KIAA1217: variants seen among roughly 807,000 people sequenced by gnomAD.
The protein encoded by KIAA1217 is KIAA1217.
A neutral mutation model predicts 163.9 loss-of-function variants in KIAA1217; 88 were observed. The ratio of observed to expected loss-of-function variants is 0.54; its 90% CI spans 0.45 to 0.64. The LOEUF (loss-of-function observed/expected upper bound fraction) is 0.64. KIAA1217 is among the 30% of genes least tolerant of loss of function. The probability of loss-of-function intolerance (pLI) is 0.00; values close to 1 mark genes in which losing one functional copy is unlikely to be tolerated. For synonymous variants in KIAA1217, 903 were observed against 923.1 expected (o/e 0.98, Z 0.39); for missense variants, 2,372 against 2,475.0 (o/e 0.96, Z 0.88).
At chr10:23,923,533 G>A (rs2131296593) in intron 1 of KIAA1217, among the ~76,000 whole-genome samples, 1 of 152,304 alleles carries the variant, frequency 6.6e-6, no homozygotes, top group Admixed American at 6.5e-5. Context: ...ATCTTTGTAA[G>A]AGGTGGCAGA....
At chr10:24,174,917 G>T (rs1413710854) in intron 2 of KIAA1217, among the ~76,000 whole-genome samples, 1 of 152,114 alleles carries the variant, frequency 6.6e-6, no homozygotes, top group Non-Finnish European at 1.5e-5. Context: ...GAGTGCAGTG[G>T]CATGAGCTCA....
At chr10:24,393,989 C>T (rs79618219) in intron 3 of KIAA1217, among the ~76,000 whole-genome samples, 2,411 of 152,312 alleles carry the variant, frequency 0.016, 52 homozygotes, top group African/African-American at 0.055. Flanking sequence ...GTGTGTCTTT[C>T]TTCAAGACAT....
chr10:24,057,953 G>A (rs994084753), intron 2 of KIAA1217, among the ~76,000 whole-genome samples: 4 of 152,052 alleles, frequency 2.6e-5, no homozygotes, highest in Non-Finnish European at 5.9e-5. Flanking sequence ...TGCTTTTGTT[G>A]TCATTTCCAT....
rs910422130 is a variant in KIAA1217, at chr10:23,846,054, T to G, written c.-321+150820T>G. On this transcript the variant is annotated intron_variant, in intron 1 of 18. Transcript: ENST00000376462. ...ATCAGATGGTTGTAGATGTGTGGTG[T>G]TTTTTCTGAGGCCCCTGTTCTGTTC... 7.2e-5 allele frequency among the ~76,000 whole-genome samples: 11 copies of G among 152,130 alleles called. 1 individual carries two copies. Among genetic ancestry groups the G allele is most frequent in the Admixed American group, 7.2e-4 (11 of 15,260 alleles).
chr10:23,699,769 C>T (rs1836303019), intron 1 of KIAA1217, among the ~76,000 whole-genome samples: 1 of 152,164 alleles, frequency 6.6e-6, no homozygotes, highest in East Asian at 1.9e-4. Flanking sequence ...GGATTACAGG[C>T]ATGAGCCACT....
rs547299362 is a variant in KIAA1217, at chr10:23,971,604, T to C, written c.-320-35621T>C. 5.3e-5 allele frequency among the ~76,000 whole-genome samples: 8 copies of C among 152,296 alleles called. No homozygotes were observed. In the South Asian group the frequency reaches 1.7e-3, roughly 32 times the overall value. ...CTTAAGAATGACAAAACAGACTCTA[T>C]AGCAATTGGATACCAACATGACAGA... On this transcript the variant is annotated intron_variant, in intron 1 of 18. Transcript: ENST00000376462.
At chr10:24,203,285 C>T (rs921595734) in intron 2 of KIAA1217, among the ~76,000 whole-genome samples, 6 of 151,996 alleles carry the variant, frequency 3.9e-5, no homozygotes, top group Non-Finnish European at 8.8e-5. Flanking sequence ...ATTGAGGGGT[C>T]GCCTTGGACA....
intron 2 of KIAA1217, among the ~76,000 whole-genome samples, chr10:24,374,999 T>A (rs1180138437): frequency 1.3e-5 from 2 of 152,162 alleles, no homozygotes; most frequent in African/African-American, 2.4e-5. Flanking sequence ...TTGCCCATGC[T>A]GGTCTTGAAC....
At chr10:24,463,121 G>T (rs1281112306) in intron 5 of KIAA1217, among the ~76,000 whole-genome samples, 3 of 152,202 alleles carry the variant, frequency 2.0e-5, no homozygotes, top group Admixed American at 6.5e-5. Context: ...GGGAACATGG[G>T]AGTAGCCCAG....
At chr10:24,413,252 C>G (rs2057956694) in intron 3 of KIAA1217, among the ~76,000 whole-genome samples, 1 of 152,150 alleles carries the variant, frequency 6.6e-6, no homozygotes, top group Non-Finnish European at 1.5e-5. Flanking sequence ...GTGGCATGAT[C>G]TCAGCTCACT....
At chr10:24,369,749 C>T (rs1378657921) in intron 2 of KIAA1217, among the ~76,000 whole-genome samples, 1 of 152,182 alleles carries the variant, frequency 6.6e-6, no homozygotes, top group Non-Finnish European at 1.5e-5. Context: ...AACAGCAATC[C>T]TCACACAGAC....
intron 4 of KIAA1217, among the ~76,000 whole-genome samples, chr10:24,436,049 T>C (rs2059992748): frequency 1.3e-5 from 2 of 151,860 alleles, no homozygotes; most frequent in African/African-American, 4.8e-5. Context: ...TTAGTAGAGA[T>C]GGGGTTTCAC....
intron 2 of KIAA1217, among the ~76,000 whole-genome samples, chr10:24,132,697 T>C (rs931287316): frequency 6.6e-6 from 1 of 152,204 alleles, no homozygotes; most frequent in African/African-American, 2.4e-5. Context: ...ATGGGTTCTA[T>C]ACATGAAACA....
At chr10:24,104,830 AGT>A (rs2062559965) in intron 2 of KIAA1217, among the ~76,000 whole-genome samples, 1 of 152,188 alleles carries the variant, frequency 6.6e-6, no homozygotes, top group African/African-American at 2.4e-5. Context: ...TAAAAAGTAA[AGT>A]GTGATTTAAA....
At chr10:24,532,991 A>G in intron 15 of KIAA1217, 79 bp from the exon 16 acceptor site, 2 of 1,341,650 alleles carry the variant, frequency 1.5e-6, no homozygotes, top group Non-Finnish European at 2.0e-6. Context: ...CTAGACAGTG[A>G]GGGACCATAC....
chr10:24,447,057 A>G (rs2060995416), intron 5 of KIAA1217, among the ~76,000 whole-genome samples: 1 of 151,856 alleles, frequency 6.6e-6, no homozygotes, highest in Non-Finnish European at 1.5e-5. Flanking sequence ...AGCCTCTCTC[A>G]CTTCTTTCCA....
intron 1 of KIAA1217, among the ~76,000 whole-genome samples, chr10:23,818,697 C>T (rs985387019): frequency 1.3e-4 from 20 of 152,114 alleles, no homozygotes; most frequent in African/African-American, 4.6e-4. Flanking sequence ...AGCAGGGGAG[C>T]ATGAAGGGCC....
At chr10:24,131,513 C>T (rs976825973) in intron 2 of KIAA1217, among the ~76,000 whole-genome samples, 4 of 152,164 alleles carry the variant, frequency 2.6e-5, no homozygotes, top group African/African-American at 9.7e-5. Flanking sequence ...ACAAATACAG[C>T]CTACCATATC....
intron 11 of KIAA1217, 39 bp from the exon 12 acceptor site, chr10:24,521,743 T>C (rs557415808): frequency 6.3e-7 from 1 of 1,595,714 alleles, no homozygotes; most frequent in East Asian, 2.2e-5. Context: ...TCGTTCTGGC[T>C]TTTTCTCCTC....
Sources: allele counts gnomAD v4.1 joint callset (sites outside exome capture counted in the v4.1 genomes callset), GRCh38; gene constraint gnomAD v4.1.1; transcripts MANE v1.5; gene names NCBI Gene and HGNC (gene_info 2026-07-23, HGNC 2026-07-21).